Variants in MAST4 observed in about 807,000 individuals in gnomAD.
MAST4 encodes microtubule associated serine/threonine kinase family member 4.
In MAST4, 89 loss-of-function variants were observed where a neutral mutation model predicts 162.7. The observed-to-expected ratio is 0.55, with a 90% CI of 0.46 to 0.65. MAST4 has a LOEUF of 0.65. MAST4 is among the 30% of genes least tolerant of loss of function. MAST4 has a pLI of 0.00. For synonymous variants in MAST4, 1,479 were observed against 1,361.1 expected, an observed-to-expected ratio of 1.09 and a Z score of -1.91; for missense variants, 3,153 against 3,374.0, an observed-to-expected ratio of 0.93 and a Z score of 1.62.
intron 4 of MAST4, among the ~76,000 whole-genome samples, chr5:66,907,623 TG>T: frequency 6.6e-6 from 1 of 151,672 alleles, no homozygotes; most frequent in East Asian, 1.9e-4. Flanking sequence ...TGTGTGTGTG[TG>T]TGTGTGTGTG....
At chr5:66,876,687 A>T (rs1230113373) in intron 3 of MAST4, among the ~76,000 whole-genome samples, 1 of 152,188 alleles carries the variant, frequency 6.6e-6, no homozygotes, top group African/African-American at 2.4e-5. Flanking sequence ...TAAATGAGAC[A>T]TAGTCTGCCC....
chr5:66,860,523 G>A (rs258089), intron 3 of MAST4, among the ~76,000 whole-genome samples: 129,723 of 152,102 alleles, frequency 0.85, 55,552 homozygotes, highest in Non-Finnish European at 0.9. Flanking sequence ...TTAAGGAGTT[G>A]AAGACAGAAA....
intron 3 of MAST4, among the ~76,000 whole-genome samples, chr5:66,898,639 A>G (rs1255737670): frequency 6.6e-6 from 1 of 152,214 alleles, no homozygotes; most frequent in Non-Finnish European, 1.5e-5. Flanking sequence ...GCACTTTACC[A>G]CTGAACCCTA....
chr5:66,840,703 C>G (rs1355181719), intron 3 of MAST4, among the ~76,000 whole-genome samples: 2 of 152,122 alleles, frequency 1.3e-5, no homozygotes, highest in Admixed American at 1.3e-4. Flanking sequence ...AAGTCTTGTG[C>G]TTTGGTCATC....
At chr5:66,780,526 A>G (rs1754816385) in intron 2 of MAST4, among the ~76,000 whole-genome samples, 1 of 152,170 alleles carries the variant, frequency 6.6e-6, no homozygotes, top group Non-Finnish European at 1.5e-5. Context: ...CGAGTGTTAC[A>G]GCTCTTAAAG....
chr5:66,631,581 A>T (rs1744799688), intron 1 of MAST4, among the ~76,000 whole-genome samples: 1 of 152,114 alleles, frequency 6.6e-6, no homozygotes, highest in Admixed American at 6.6e-5. Flanking sequence ...GCTAGGTAAT[A>T]CTTTGTGTGT....
intron 3 of MAST4, among the ~76,000 whole-genome samples, chr5:66,797,076 C>T (rs889077602): frequency 6.6e-6 from 1 of 152,186 alleles, no homozygotes; most frequent in African/African-American, 2.4e-5. Context: ...TATGGAAATG[C>T]CCACTGGTGT....
At chr5:66,911,045 C>A (rs1226022354) in intron 4 of MAST4, among the ~76,000 whole-genome samples, 26 of 152,240 alleles carry the variant, frequency 1.7e-4, no homozygotes, top group Non-Finnish European at 5.9e-5. Context: ...TGCACCCAGC[C>A]CATGTTTTCT....
intron 1 of MAST4, among the ~76,000 whole-genome samples, chr5:66,725,094 T>C (rs1751429283): frequency 7.0e-6 from 1 of 143,844 alleles, no homozygotes; most frequent in African/African-American, 3.0e-5. Flanking sequence ...GATTTTTCTG[T>C]TTTTTTAATT....
At chr5:66,767,411 A>G (rs1280628699) in intron 2 of MAST4, among the ~76,000 whole-genome samples, 1 of 152,164 alleles carries the variant, frequency 6.6e-6, no homozygotes, top group Non-Finnish European at 1.5e-5. Flanking sequence ...CATGTCAAGT[A>G]GGACTGTGGA....
At chr5:66,730,625 C>T (rs1466777012) in intron 1 of MAST4, among the ~76,000 whole-genome samples, 1 of 152,124 alleles carries the variant, frequency 6.6e-6, no homozygotes, top group Non-Finnish European at 1.5e-5. Flanking sequence ...AGAACATTTT[C>T]CTCAAATTAA....
chr5:67,063,778 T>C (rs1759914921), intron 5 of MAST4, among the ~76,000 whole-genome samples: 1 of 152,208 alleles, frequency 6.6e-6, no homozygotes, highest in South Asian at 2.1e-4. Context: ...CTAGGGTTGG[T>C]TGCTGAAGTC....
At chr5:66,938,039 T>C (rs1397432203) in intron 4 of MAST4, among the ~76,000 whole-genome samples, 1 of 152,060 alleles carries the variant, frequency 6.6e-6, no homozygotes, top group Non-Finnish European at 1.5e-5. Context: ...AGCTGTTATA[T>C]TTATATTAAT....
In MAST4 at chr5:67,100,456, A is replaced by G; in HGVS notation, c.934A>G (p.Lys312Glu). The change falls in exon 8 of 29, where the codon AAG becomes GAG. Residue 312 changes from lysine to glutamate, a missense_variant. By Grantham distance (56) the Lys-to-Glu change is moderately conservative. This residue lies in a region of MAST4 where 360 missense variants were observed against 450.0 expected (regional missense o/e 0.80). Coordinates refer to ENST00000403625, the MANE Select transcript of MAST4 (RefSeq NM_001164664.2). The stretch of plus-strand genomic sequence containing the variant: ...TCAGTCATCCTGTTCCTCCCAGGAG[A>G]AGTTGCATCAGTTACCATACCAACC... Reference protein sequence around the residue: ...TVSSSCSSQEKLHQLPYQPTP... With the variant: ...TVSSSCSSQEELHQLPYQPTP... 3.1e-6 allele frequency: 5 copies of G among 1,613,568 alleles called. No individual in the cohort carries two copies. Among genetic ancestry groups the G allele is most frequent in the Non-Finnish European group, 4.2e-6 (5 of 1,179,734 alleles).
At chr5:66,759,598 G>A (rs1477246449) in intron 1 of MAST4, 111 bp from the exon 2 acceptor site, 1 of 1,350,924 alleles carries the variant, frequency 7.4e-7, no homozygotes, top group Admixed American at 2.1e-5. Context: ...AGTGTTGGGA[G>A]AATGGAGTTT....
intron 4 of MAST4, among the ~76,000 whole-genome samples, chr5:66,920,058 G>T (rs961020108): frequency 3.3e-5 from 5 of 151,420 alleles, no homozygotes; most frequent in African/African-American, 1.2e-4. Context: ...GAACCAAATT[G>T]AGGTAACTTC....
intron 4 of MAST4, among the ~76,000 whole-genome samples, chr5:67,009,258 A>G (rs1434886649): frequency 1.3e-5 from 2 of 152,214 alleles, no homozygotes; most frequent in East Asian, 3.9e-4. Flanking sequence ...GAGACACCAC[A>G]TAGAAAAGGT....
chr5:66,688,764 A>G (rs1748852625), intron 1 of MAST4, among the ~76,000 whole-genome samples: 1 of 151,994 alleles, frequency 6.6e-6, no homozygotes, highest in South Asian at 2.1e-4. Context: ...AGCTAGGGTG[A>G]CTTTGTGGAC....
At chr5:67,126,745 A>C (rs1472927932) in intron 14 of MAST4, among the ~76,000 whole-genome samples, 1 of 152,158 alleles carries the variant, frequency 6.6e-6, no homozygotes, top group Non-Finnish European at 1.5e-5. Context: ...TTGGTTCCCT[A>C]TGAAATTTAA....
Sources: gnomAD v4.1 joint callset for allele counts (sites outside exome capture counted in the v4.1 genomes callset) on GRCh38, gnomAD v4.1.1 for gene constraint, gnomAD v4.1.1 regional missense constraint, MANE v1.5 for transcripts, NCBI Gene and HGNC (gene_info 2026-07-23, HGNC 2026-07-21) for gene names.